The following CDH2 variants were observed in gnomAD, a reference collection of about 807,000 sequenced individuals.
CDH2 encodes the protein cadherin-2.
CDH2 carries 17 observed loss-of-function variants against 92.0 expected under a neutral mutation model. The observed-to-expected ratio is 0.18, with a 90% CI of 0.13 to 0.28. The LOEUF is 0.28. Ranked by LOEUF, CDH2 falls within the 10% of genes least tolerant of loss-of-function variation. The pLI, the probability that CDH2 is intolerant of heterozygous loss-of-function variation, is 1.00. For missense variants in CDH2, 862 were observed against 1,133.1 expected (o/e 0.76, Z 3.44); for synonymous variants, 419 against 415.9 (o/e 1.01, Z -0.09).
chr18:28,158,244 G>A (rs899740911), intron 1 of CDH2, among the ~76,000 whole-genome samples: 1 of 152,228 alleles, frequency 6.6e-6, no homozygotes, highest in African/African-American at 2.4e-5. Context: ...ATGCATTGCA[G>A]CGAAAGGAGG....
chr18:27,955,205 C>T (rs1331527746), intron 15 of CDH2, among the ~76,000 whole-genome samples: 1 of 151,810 alleles, frequency 6.6e-6, no homozygotes, highest in African/African-American at 2.4e-5. Flanking sequence ...CAACACCAAA[C>T]TGGAAATATG....
chr18:27,984,258 G>C (rs549993972), intron 13 of CDH2, among the ~76,000 whole-genome samples: 1 of 152,178 alleles, frequency 6.6e-6, no homozygotes, highest in African/African-American at 2.4e-5. Flanking sequence ...TAGCATGATC[G>C]CACAATAAAC....
chr18:28,122,580 T>C (rs1361968625), intron 2 of CDH2, among the ~76,000 whole-genome samples: 1 of 152,102 alleles, frequency 6.6e-6, no homozygotes, highest in Admixed American at 6.6e-5. Flanking sequence ...ATCTGAAAAA[T>C]TCCTTCCAAG....
intron 2 of CDH2, among the ~76,000 whole-genome samples, chr18:28,139,981 T>C (rs2015926883): frequency 6.6e-6 from 1 of 151,926 alleles, no homozygotes; most frequent in Non-Finnish European, 1.5e-5. Flanking sequence ...GCTCCCGATC[T>C]TCTCTATCAC....
At chr18:27,943,056 C>T (rs971842792) in intron 6 of CDH2, among the ~76,000 whole-genome samples, 1 of 152,080 alleles carries the variant, frequency 6.6e-6, no homozygotes, top group Non-Finnish European at 1.5e-5. Context: ...ATTATGGTTC[C>T]TTGTAAATTA....
chr18:27,963,274 T>C, intron 15 of CDH2, 83 bp downstream of exon 15: 1 of 1,300,662 alleles, frequency 7.7e-7, no homozygotes. Flanking sequence ...ATAGCTGTAT[T>C]CCAAGCAATT....
intron 2 of CDH2, among the ~76,000 whole-genome samples, chr18:28,124,684 A>G (rs1209594651): frequency 2.0e-5 from 3 of 152,164 alleles, no homozygotes; most frequent in Admixed American, 6.5e-5. Context: ...TAATTTTTCT[A>G]TTTCTTAACT....
At chr18:28,101,162 T>C (rs2015219863) in intron 2 of CDH2, among the ~76,000 whole-genome samples, 1 of 152,156 alleles carries the variant, frequency 6.6e-6, no homozygotes, top group Non-Finnish European at 1.5e-5. Context: ...ATGACTAGAA[T>C]TGATGTTAAT....
intron 1 of CDH2, among the ~76,000 whole-genome samples, chr18:28,167,231 T>C (rs1480493262): frequency 6.6e-6 from 1 of 152,136 alleles, no homozygotes; most frequent in Non-Finnish European, 1.5e-5. Flanking sequence ...AGACTATAAC[T>C]TAACAGAATT....
intron 2 of CDH2, among the ~76,000 whole-genome samples, chr18:28,043,051 T>C (rs1006570712): frequency 6.6e-6 from 1 of 152,166 alleles, no homozygotes; most frequent in African/African-American, 2.4e-5. Flanking sequence ...CATCAGCATA[T>C]AGTTAAAAAG....
At chr18:27,938,689 T>G (rs890928628) in intron 6 of CDH2, among the ~76,000 whole-genome samples, 11 of 152,272 alleles carry the variant, frequency 7.2e-5, no homozygotes, top group East Asian at 5.8e-4. Flanking sequence ...ATATTTCCCT[T>G]ATCTTGAGAA....
downstream of CDH2, among the ~76,000 whole-genome samples, chr18:27,948,531 T>A (rs1909332219): frequency 6.6e-6 from 1 of 151,888 alleles, no homozygotes; most frequent in Non-Finnish European, 1.5e-5. Flanking sequence ...GCTATACATT[T>A]CTGTAAGAAA....
intron 2 of CDH2, among the ~76,000 whole-genome samples, chr18:28,052,644 T>C (rs2014215343): frequency 1.3e-5 from 2 of 152,116 alleles, no homozygotes; most frequent in African/African-American, 2.4e-5. Context: ...GAAAACAGTA[T>C]TGGAACAAAA....
chr18:28,142,696 C>G (rs1242469046), intron 2 of CDH2, among the ~76,000 whole-genome samples: 1 of 151,936 alleles, frequency 6.6e-6, no homozygotes, highest in African/African-American at 2.4e-5. Context: ...AACCACTTTC[C>G]ACAATCAGTT....
intron 2 of CDH2, among the ~76,000 whole-genome samples, chr18:28,126,877 G>A (rs1302497484): frequency 6.6e-6 from 1 of 152,162 alleles, no homozygotes; most frequent in Non-Finnish European, 1.5e-5. Flanking sequence ...ACCAGAACAT[G>A]AAAAGATATG....
intron 1 of CDH2, among the ~76,000 whole-genome samples, chr18:28,156,115 A>C (rs2016206530): frequency 1.3e-5 from 2 of 152,190 alleles, no homozygotes; most frequent in Admixed American, 1.3e-4. Flanking sequence ...CTGAGGCCAC[A>C]CATTTGCCCC....
chr18:27,938,283 A>C (rs1275116871), intron 6 of CDH2, among the ~76,000 whole-genome samples: 1 of 152,178 alleles, frequency 6.6e-6, no homozygotes, highest in Non-Finnish European at 1.5e-5. Context: ...TTTTCTTAAT[A>C]AATTACCCAG....
At chr18:28,150,893 T>C (rs2016110734) in intron 1 of CDH2, among the ~76,000 whole-genome samples, 1 of 152,200 alleles carries the variant, frequency 6.6e-6, no homozygotes, top group African/African-American at 2.4e-5. Context: ...TTAAAATATA[T>C]ATTCTCCCTA....
chr18:27,998,052 C>A (rs1489957504), intron 7 of CDH2, among the ~76,000 whole-genome samples: 3 of 152,102 alleles, frequency 2.0e-5, no homozygotes, highest in Non-Finnish European at 4.4e-5. Context: ...GTGATCCGCC[C>A]ACCTTGGCCT....
Sources: allele counts gnomAD v4.1 joint callset (sites outside exome capture counted in the v4.1 genomes callset), GRCh38; gene constraint gnomAD v4.1.1; transcripts MANE v1.5; gene names NCBI Gene and HGNC (gene_info 2026-07-23, HGNC 2026-07-21).